The following COG5 variants were observed in gnomAD, a reference collection of about 807,000 sequenced individuals.
The protein encoded by COG5 is component of oligomeric golgi complex 5, also known as conserved oligomeric Golgi complex subunit 5.
COG5 carries 86 observed loss-of-function variants against 110.4 expected under a neutral mutation model. The ratio of observed to expected loss-of-function variants is 0.78; its 90% CI spans 0.65 to 0.93. The LOEUF (loss-of-function observed/expected upper bound fraction) is 0.93. Among genes scored for constraint, COG5 ranks in the 40% least tolerant of loss-of-function variants. The pLI is 0.00. For missense variants in COG5, 1,077 were observed against 987.0 expected (o/e 1.09, Z -1.22); for synonymous variants, 360 against 334.6 (o/e 1.08, Z -0.83).
chr7:107,299,802 T>A (rs1249309994), intron 11 of COG5, among the ~76,000 whole-genome samples: 1 of 143,230 alleles, frequency 7.0e-6, no homozygotes, highest in Non-Finnish European at 1.5e-5. Flanking sequence ...ACCAAGGAGA[T>A]CTATGTCAGA....
chr7:107,559,338 G>A (rs1470781768), intron 1 of COG5, among the ~76,000 whole-genome samples: 2 of 152,160 alleles, frequency 1.3e-5, no homozygotes, highest in East Asian at 3.9e-4. Flanking sequence ...GGAGCTCATG[G>A]TAACCATGTA....
intron 6 of COG5, among the ~76,000 whole-genome samples, chr7:107,444,186 G>A (rs1794877693): frequency 1.3e-5 from 2 of 152,200 alleles, no homozygotes; most frequent in South Asian, 4.2e-4. Flanking sequence ...AGTTCTATAA[G>A]TCTCTATATT....
Position 107,255,759 on chromosome 7 carries a change from T to C in COG5, c.1749+973A>G, listed in dbSNP as rs918798701. 5.3e-5 allele frequency among the ~76,000 whole-genome samples: 8 copies of C among 152,254 alleles called. No individual in the cohort carries two copies. The East Asian group carries it at 7.7e-4, about 15-fold the overall frequency. On this transcript the variant is annotated intron_variant, in intron 16 of 21. Transcript: ENST00000297135. ...GCTTATTTACTTGTTTGAGGTCATA[T>C]AGCTGGTTAAATAGCTGAGATAGGA...
chr7:107,458,268 C>A (rs1344784206), intron 6 of COG5, among the ~76,000 whole-genome samples: 8 of 152,110 alleles, frequency 5.3e-5, no homozygotes, highest in African/African-American at 1.9e-4. Flanking sequence ...GGAAAATATA[C>A]CAGAAGGTAT....
At chr7:107,259,217 ATAAAT>A (rs1244393292) in intron 14 of COG5, among the ~76,000 whole-genome samples, 2 of 152,188 alleles carry the variant, frequency 1.3e-5, no homozygotes, top group Non-Finnish European at 2.9e-5. Context: ...TTATTTAAAG[ATAAAT>A]TAAACTTGAT....
chr7:107,361,141 GAGGTTAGGATTTAACAATCGGTAGA>G (rs1813077757), intron 10 of COG5, among the ~76,000 whole-genome samples: 1 of 152,146 alleles, frequency 6.6e-6, no homozygotes, highest in Admixed American at 6.5e-5. Flanking sequence ...TGGGCTACTG[GAGGTTAGGATTTAACAATCGGTAGA>G]ATCATTATCC....
chr7:107,314,442 T>A (rs896694235), intron 11 of COG5, among the ~76,000 whole-genome samples: 18 of 152,044 alleles, frequency 1.2e-4, no homozygotes, highest in Non-Finnish European at 2.2e-4. Flanking sequence ...AATACTTTTT[T>A]AAAAGATTAA....
intron 19 of COG5, among the ~76,000 whole-genome samples, chr7:107,219,284 C>T (rs1799735263): frequency 6.6e-6 from 1 of 152,036 alleles, no homozygotes; most frequent in Admixed American, 6.6e-5. Flanking sequence ...TATGGCAGTT[C>T]CTCAAAAAAC....
chr7:107,424,345 G>A (rs1793501061), intron 6 of COG5, among the ~76,000 whole-genome samples: 1 of 152,026 alleles, frequency 6.6e-6, no homozygotes, highest in Admixed American at 6.6e-5. Flanking sequence ...TCAGAGAAGG[G>A]TGGAAGGGAG....
intron 6 of COG5, among the ~76,000 whole-genome samples, chr7:107,453,479 CTT>C (rs1451210397): frequency 3.9e-5 from 6 of 152,118 alleles, no homozygotes; most frequent in Non-Finnish European, 5.9e-5. Context: ...ATTTTATACT[CTT>C]GTCTCAGCAA....
intron 5 of COG5, 89 bp from the exon 6 acceptor site, chr7:107,527,446 G>A: frequency 1.4e-6 from 2 of 1,411,948 alleles, no homozygotes; most frequent in Non-Finnish European, 2.0e-6. Context: ...TGGGTTGATA[G>A]GTGCAGCAAA....
At chr7:107,523,583 G>A (rs1415466857) in intron 6 of COG5, among the ~76,000 whole-genome samples, 5 of 152,224 alleles carry the variant, frequency 3.3e-5, no homozygotes, top group African/African-American at 1.2e-4. Flanking sequence ...GGGAGGCCGA[G>A]AAGGGTGGAT....
intron 1 of COG5, 25 bp from the exon 2 acceptor site, chr7:107,558,140 A>G (rs780523892): frequency 5.6e-6 from 9 of 1,610,288 alleles, no homozygotes; most frequent in African/African-American, 1.3e-5. Context: ...AAATAAGGAA[A>G]AGTCCTTAAT....
intron 5 of COG5, among the ~76,000 whole-genome samples, chr7:107,539,103 G>C (rs1010110206): frequency 3.3e-5 from 5 of 151,906 alleles, no homozygotes; most frequent in Non-Finnish European, 7.4e-5. Flanking sequence ...CATAGTGAGA[G>C]ACACTGTCTA....
chr7:107,224,604 G>A (rs968812329), intron 19 of COG5, among the ~76,000 whole-genome samples: 1 of 152,238 alleles, frequency 6.6e-6, no homozygotes, highest in Non-Finnish European at 1.5e-5. Context: ...CTGGTGAAGA[G>A]CATTTGCTCC....
At chr7:107,329,380 G>A (rs1254519712) in intron 10 of COG5, among the ~76,000 whole-genome samples, 1 of 145,690 alleles carries the variant, frequency 6.9e-6, no homozygotes, top group Non-Finnish European at 1.5e-5. Context: ...ATAAAAAGGT[G>A]GATTTGGGGT....
intron 19 of COG5, among the ~76,000 whole-genome samples, chr7:107,225,257 C>T (rs6466161): frequency 0.034 from 5,192 of 152,232 alleles, 307 homozygotes; most frequent in African/African-American, 0.12. Flanking sequence ...TGTCAACTCA[C>T]GCCTGCTCTT....
intron 6 of COG5, among the ~76,000 whole-genome samples, chr7:107,506,889 T>C (rs1799056482): frequency 6.6e-6 from 1 of 152,238 alleles, no homozygotes; most frequent in African/African-American, 2.4e-5. Context: ...TGGGAGGTTC[T>C]TTCAACCTGT....
intron 6 of COG5, among the ~76,000 whole-genome samples, chr7:107,464,003 C>T (rs1451042827): frequency 6.6e-6 from 1 of 152,010 alleles, no homozygotes; most frequent in African/African-American, 2.4e-5. Flanking sequence ...CTCTATTCAA[C>T]AGAGCTAAAA....
Sources: gnomAD v4.1 joint callset for allele counts (sites outside exome capture counted in the v4.1 genomes callset) on GRCh38, gnomAD v4.1.1 for gene constraint, MANE v1.5 for transcripts, NCBI Gene and HGNC (gene_info 2026-07-23, HGNC 2026-07-21) for gene names.